Variants in MED31 observed in about 807,000 individuals in gnomAD.
MED31 encodes mediator complex subunit 31, also known as mediator of RNA polymerase II transcription subunit 31.
MED31 carries 11 observed loss-of-function variants against 22.0 expected under a neutral mutation model. That is an observed-to-expected ratio of 0.50 (90% CI 0.31 to 0.83). The LOEUF is 0.83. Among genes scored for constraint, MED31 ranks in the 40% least tolerant of loss-of-function variants. The probability of loss-of-function intolerance (pLI) is 0.04; values close to 1 mark genes in which losing one functional copy is unlikely to be tolerated. For synonymous variants in MED31, 60 were observed against 55.1 expected, an observed-to-expected ratio of 1.09 and a Z score of -0.40; for missense variants, 122 against 155.3, an observed-to-expected ratio of 0.79 and a Z score of 1.14.
At chr17:6,646,762 G>A (rs1398099351) in intron 3 of MED31, among the ~76,000 whole-genome samples, 1 of 152,214 alleles carries the variant, frequency 6.6e-6, no homozygotes, top group Non-Finnish European at 1.5e-5. Flanking sequence ...TCGTGGGAAA[G>A]GAAAGACCTT....
intron 3 of MED31, among the ~76,000 whole-genome samples, chr17:6,645,346 C>T (rs755130477): frequency 6.6e-6 from 1 of 152,130 alleles, no homozygotes; most frequent in African/African-American, 2.4e-5. Flanking sequence ...TATACACATA[C>T]ATACATATAT....
chr17:6,644,958 C>T (rs11657031), intron 3 of MED31, among the ~76,000 whole-genome samples: 105,717 of 152,166 alleles, frequency 0.69, 37,597 homozygotes, highest in African/African-American at 0.87. Context: ...TCCCTTCTAG[C>T]GGTTTCCAAC....
In MED31 at chr17:6,651,551, C is replaced by T. The variant is rs200574216; in HGVS notation, c.-23G>A. 6.2e-7 allele frequency: 1 copy of T among 1,614,036 alleles called. No individual in the cohort carries two copies. The highest frequency in any genetic ancestry group is 8.5e-7 in the Non-Finnish European group (1 of 1,179,956). ...CATAACAAACGAAGACACCAAAACG[C>T]CACCAGCCTGACAGAGCAAAAGCCC... On this transcript the variant is annotated 5_prime_UTR_variant, in exon 1 of 4. Coordinates refer to ENST00000225728, the MANE Select transcript of MED31 (RefSeq NM_016060.3).
Position 6,644,155 on chromosome 17 carries a change from G to A in MED31, c.*312C>T, listed in dbSNP as rs537353353. The stretch of plus-strand genomic sequence containing the variant: ...GCCTTAGAATTCAGTATACTTGGTG[G>A]CCCACCCCTACCCCATGCCCCAGTG... On this transcript the variant is annotated 3_prime_UTR_variant, in exon 4 of 4. Transcript: ENST00000225728. The A allele has an allele frequency of 2.9e-4, 125 of 427,496 alleles. 1 individual carries two copies. In the East Asian group the frequency reaches 4.2e-3, roughly 14 times the overall value. 26.5% of individuals were successfully genotyped at this position (427,496 alleles called of 1,614,324 possible).
In MED31 at chr17:6,651,563, CAG is replaced by C. The variant is rs2150950205; in HGVS notation, c.-37_-36del. ...AGACACCAAAACGCCACCAGCCTGA[CAG>C]AGCAAAAGCCCAGAGACGCGGGCGA... On this transcript the variant is annotated 5_prime_UTR_variant, in exon 1 of 4. Coordinates refer to ENST00000225728, the MANE Select transcript of MED31 (RefSeq NM_016060.3). 1 of 1,613,832 alleles carries C rather than the reference CAG, an allele frequency of 6.2e-7. No homozygotes were observed. The highest frequency in any genetic ancestry group is 8.5e-7 in the Non-Finnish European group (1 of 1,179,842).
intron 3 of MED31, among the ~76,000 whole-genome samples, chr17:6,645,836 T>TA (rs1972760646): frequency 6.6e-6 from 1 of 152,168 alleles, no homozygotes; most frequent in African/African-American, 2.4e-5. Context: ...CAAAAGATGC[T>TA]AAAACAGGCA....
intron 3 of MED31, among the ~76,000 whole-genome samples, chr17:6,648,220 C>T (rs539849239): frequency 1.3e-5 from 2 of 152,318 alleles, no homozygotes; most frequent in East Asian, 3.9e-4. Context: ...TCTGACCACA[C>T]CTGAAGGCCT....
intron 3 of MED31, among the ~76,000 whole-genome samples, chr17:6,646,266 G>C (rs1468637236): frequency 1.3e-5 from 2 of 152,204 alleles, no homozygotes; most frequent in Non-Finnish European, 2.9e-5. Context: ...ATACGTGGGT[G>C]AACAAAATAC....
intron 1 of MED31, chr17:6,651,289 G>T: frequency 1.6e-6 from 1 of 619,826 alleles, no homozygotes; most frequent in East Asian, 2.9e-5. Flanking sequence ...AGCTGGTGGG[G>T]TGGTGTCTGA....
At chr17:6,649,264 TTATAA>T (rs913066969) in intron 3 of MED31, among the ~76,000 whole-genome samples, 9 of 151,612 alleles carry the variant, frequency 5.9e-5, no homozygotes, top group East Asian at 1.9e-4. Context: ...TGCTTTGTGG[TTATAA>T]TATGTTTCTT....
Position 6,643,578 on chromosome 17 carries a change from C to G in MED31, c.*889G>C, listed in dbSNP as rs768912228. 6.5e-6 allele frequency: 1 copy of G among 152,912 alleles called. No individual in the cohort carries two copies. Among genetic ancestry groups the G allele is most frequent in the Non-Finnish European group, 1.5e-5 (1 of 68,596 alleles). The allele number at this position is 152,912 out of a possible 1,614,324, so 9.5% of individuals were successfully genotyped here. A position where few individuals can be genotyped will look rare whatever the true frequency, so the allele number is the denominator to read the frequency against. On this transcript the variant is annotated 3_prime_UTR_variant, in exon 4 of 4. Transcript: ENST00000225728. ...GATGAGGCAGGTGGCGGAGAGCGGCCGGAAAGACTCTATAACCCAGTTCTG... is the reference window on the plus strand; with the variant it reads ...GATGAGGCAGGTGGCGGAGAGCGGCGGGAAAGACTCTATAACCCAGTTCTG...
intron 2 of MED31, 95 bp from the exon 3 acceptor site, chr17:6,650,173 C>T: frequency 7.7e-7 from 1 of 1,295,946 alleles, no homozygotes; most frequent in East Asian, 2.3e-5. Flanking sequence ...ACATAACACC[C>T]CCACCACCAA....
intron 3 of MED31, 107 bp from the exon 4 acceptor site, chr17:6,644,766 A>G: frequency 1.5e-6 from 2 of 1,298,010 alleles, no homozygotes; most frequent in South Asian, 3.6e-5. Context: ...CCATTTCTAT[A>G]ACAGTAACTT....
At chr17:6,651,465 C>T in intron 1 of MED31, 36 bp downstream of exon 1, 1 of 1,613,868 alleles carries the variant, frequency 6.2e-7, no homozygotes, top group Admixed American at 1.7e-5. Flanking sequence ...AGGAGAGTTC[C>T]ATCTGCGAAG....
intron 3 of MED31, among the ~76,000 whole-genome samples, chr17:6,646,819 T>G (rs1307832327): frequency 1.3e-5 from 2 of 152,048 alleles, no homozygotes; most frequent in Non-Finnish European, 2.9e-5. Flanking sequence ...TGAGGAGGAG[T>G]AGTGAAAGAG....
intron 1 of MED31, among the ~76,000 whole-genome samples, chr17:6,650,984 G>C (rs776016984): frequency 3.3e-5 from 5 of 151,504 alleles, no homozygotes; most frequent in Non-Finnish European, 7.4e-5. Flanking sequence ...AGCCGGGAGC[G>C]GTGGCGGGCT....
chr17:6,644,134 T>C lies in MED31; in HGVS notation c.*333A>G. 2 of 421,372 alleles carry C rather than the reference T, an allele frequency of 4.7e-6. No individual in the cohort carries two copies. The highest frequency in any genetic ancestry group is 8.4e-6 in the Non-Finnish European group (2 of 239,022). The allele number at this position is 421,372 out of a possible 1,614,324, so 26.1% of individuals were successfully genotyped here. A position where few individuals can be genotyped will look rare whatever the true frequency, so the allele number is the denominator to read the frequency against. ...ACTATATGTCAGGAACAGCTAGCCTTAGAATTCAGTATACTTGGTGGCCCA... is the reference window on the plus strand; with the variant it reads ...ACTATATGTCAGGAACAGCTAGCCTCAGAATTCAGTATACTTGGTGGCCCA... On this transcript the variant is annotated 3_prime_UTR_variant, in exon 4 of 4. Coordinates refer to ENST00000225728, the MANE Select transcript of MED31 (RefSeq NM_016060.3).
intron 3 of MED31, among the ~76,000 whole-genome samples, chr17:6,648,696 G>T (rs1385851742): frequency 6.6e-6 from 1 of 152,240 alleles, no homozygotes; most frequent in East Asian, 1.9e-4. Context: ...CCTCAAGAGG[G>T]TATAGAATGG....
In MED31 at chr17:6,650,339, G is replaced by T. The variant is rs763103924; in HGVS notation, c.106+17C>A. On this transcript the variant is annotated intron_variant, in intron 2 of 3. Coordinates refer to ENST00000225728, the MANE Select transcript of MED31 (RefSeq NM_016060.3). The stretch of plus-strand genomic sequence containing the variant: ...CATTAATAGCTACTCAATTTAATGA[G>T]GTGCTTAACAACTTACAATTAAGGT... 8 of 1,609,014 alleles carry T rather than the reference G, an allele frequency of 5.0e-6. No individual in the cohort carries two copies. In the South Asian group the frequency reaches 8.8e-5, roughly 18 times the overall value.
Sources: allele counts gnomAD v4.1 joint callset (sites outside exome capture counted in the v4.1 genomes callset), GRCh38; gene constraint gnomAD v4.1.1; transcripts MANE v1.5; gene names NCBI Gene and HGNC (gene_info 2026-07-23, HGNC 2026-07-21).